Variants in ULK4 observed in about 807,000 individuals in gnomAD.
ULK4 encodes unc-51 like kinase 4, also known as inactive serine/threonine-protein kinase ULK4.
ULK4 carries 133 observed loss-of-function variants against 160.6 expected under a neutral mutation model. That is an observed-to-expected ratio of 0.83 (90% CI 0.72 to 0.96). The LOEUF (loss-of-function observed/expected upper bound fraction) is 0.96. ULK4 is among the 40% of genes least tolerant of loss of function. The pLI, the probability that ULK4 is intolerant of heterozygous loss-of-function variation, is 0.00. For missense variants in ULK4, 1,580 were observed against 1,499.5 expected (o/e 1.05, Z -0.89); for synonymous variants, 534 against 539.8 (o/e 0.99, Z 0.15).
rs760918831 is a variant in ULK4, at chr3:41,835,867, G to C, written c.1761C>G (p.Thr587=). 13 of 1,600,524 alleles carry C rather than the reference G, an allele frequency of 8.1e-6. No homozygotes were observed. The highest frequency in any genetic ancestry group is 1.0e-5 in the Non-Finnish European group (12 of 1,170,304). ...AGAGTTAATCAGACAGTCTCACCTG[G>C]GTGGCTACAAGATAGATCAGCTCCC... ...TLGELIYLVA[T]QEEKKKNPRE... The change falls in exon 18 of 37, where the codon ACC becomes ACG. Residue 587 remains threonine (T), a synonymous_variant. Transcript: ENST00000301831.
intron 19 of ULK4, among the ~76,000 whole-genome samples, chr3:41,808,812 C>T (rs1223796410): frequency 6.6e-6 from 1 of 152,178 alleles, no homozygotes; most frequent in Non-Finnish European, 1.5e-5. Context: ...TCAGGGCAAA[C>T]ACCAGTTTAA....
At chr3:41,727,002 T>G (rs962607215) in intron 22 of ULK4, among the ~76,000 whole-genome samples, 4 of 152,102 alleles carry the variant, frequency 2.6e-5, no homozygotes, top group Non-Finnish European at 5.9e-5. Context: ...CCCAAACTAC[T>G]GTCACTCAAA....
At chr3:41,722,718 A>G (rs1439976496) in intron 22 of ULK4, among the ~76,000 whole-genome samples, 2 of 152,246 alleles carry the variant, frequency 1.3e-5, no homozygotes, top group African/African-American at 4.8e-5. Flanking sequence ...TGCCATTAAA[A>G]TTGTTCTACT....
rs1453110952 is a variant in ULK4 at position 41,931,945 on chromosome 3, C to T, written c.440G>A (p.Gly147Asp). The change falls in exon 5 of 37, where the codon GGT becomes GAT. Residue 147 changes from glycine (G) to aspartate (D), a missense_variant. Coordinates refer to ENST00000301831, the MANE Select transcript of ULK4 (RefSeq NM_017886.4). ...AGCAAAGAACTCTTCCAAATTTTCA[C>T]CTTCCACTTTTGCCAAGCAAAAGTT... ...FSNFCLAKVE[G>D]ENLEEFFALV... 3.1e-6 allele frequency: 5 copies of T among 1,614,002 alleles called. No individual in the cohort carries two copies. Among genetic ancestry groups the T allele is most frequent in the Non-Finnish European group, 4.2e-6 (5 of 1,180,020 alleles).
At chr3:41,543,087 T>C (rs1220856561) in intron 32 of ULK4, among the ~76,000 whole-genome samples, 1 of 152,102 alleles carries the variant, frequency 6.6e-6, no homozygotes, top group African/African-American at 2.4e-5. Flanking sequence ...AGTAATATTT[T>C]TCCCCTAGAA....
intron 35 of ULK4, among the ~76,000 whole-genome samples, chr3:41,333,099 A>T (rs544662412): frequency 2.6e-4 from 39 of 152,366 alleles, no homozygotes; most frequent in Non-Finnish European, 3.8e-4. Context: ...ATCTTTCTTG[A>T]AGGTTCCATC....
intron 17 of ULK4, among the ~76,000 whole-genome samples, chr3:41,873,821 T>C (rs1203828234): frequency 6.6e-6 from 1 of 152,012 alleles, no homozygotes; most frequent in Non-Finnish European, 1.5e-5. Flanking sequence ...CCAAAAGTGC[T>C]GGGATTACAG....
chr3:41,624,128 A>T (rs1378260612), intron 30 of ULK4, among the ~76,000 whole-genome samples: 1 of 152,210 alleles, frequency 6.6e-6, no homozygotes, highest in East Asian at 1.9e-4. Context: ...GAGGCTCCTT[A>T]CATCATGCCT....
chr3:41,929,830 A>G (rs752434489), intron 5 of ULK4, among the ~76,000 whole-genome samples: 2 of 152,210 alleles, frequency 1.3e-5, no homozygotes, highest in Non-Finnish European at 2.9e-5. Context: ...GCTCAAAGAA[A>G]TAAGAGAGGA....
intron 9 of ULK4, 79 bp from the exon 10 acceptor site, chr3:41,911,738 A>C (rs774345167): frequency 2.8e-6 from 3 of 1,086,112 alleles, no homozygotes; most frequent in Non-Finnish European, 2.7e-6. Flanking sequence ...AAGAGGTTGG[A>C]GAAGATAATT....
At chr3:41,328,408 G>A (rs184443931) in intron 35 of ULK4, among the ~76,000 whole-genome samples, 27 of 152,198 alleles carry the variant, frequency 1.8e-4, no homozygotes, top group Admixed American at 1.2e-3. Flanking sequence ...TGCAAAAAAC[G>A]AGACAGTAGA....
At chr3:41,282,054 G>T (rs550003366) in intron 35 of ULK4, among the ~76,000 whole-genome samples, 3 of 152,182 alleles carry the variant, frequency 2.0e-5, no homozygotes, top group Non-Finnish European at 4.4e-5. Flanking sequence ...ATTCACAATT[G>T]CTTCAAAGAG....
chr3:41,710,456 AG>A (rs1276451025), intron 25 of ULK4, among the ~76,000 whole-genome samples: 1 of 152,132 alleles, frequency 6.6e-6, no homozygotes, highest in African/African-American at 2.4e-5. Flanking sequence ...AGCCACTCAA[AG>A]CAGGGCTAGG....
intron 30 of ULK4, among the ~76,000 whole-genome samples, chr3:41,624,371 C>T (rs973186787): frequency 6.6e-6 from 1 of 152,186 alleles, no homozygotes; most frequent in East Asian, 1.9e-4. Context: ...GGTACCTGGA[C>T]GATCCAGAGC....
At chr3:41,447,702 T>C (rs1164272366) in intron 34 of ULK4, among the ~76,000 whole-genome samples, 2 of 152,200 alleles carry the variant, frequency 1.3e-5, no homozygotes, top group South Asian at 2.1e-4. Flanking sequence ...TCGGTTTTTA[T>C]GTATTGCGGT....
chr3:41,616,694 C>G (rs957250829), intron 30 of ULK4, among the ~76,000 whole-genome samples: 6 of 152,174 alleles, frequency 3.9e-5, no homozygotes, highest in African/African-American at 1.4e-4. Context: ...AAGCACAAAA[C>G]TGGGAGGCTG....
rs1472728579 is a variant in ULK4, at chr3:41,659,558, CA to C, written c.3071+4048del. Reference sequence around the variant, plus strand: ...CTCATTTCAACTGCCACAATGGCAACATTGCAAAGTTTAATGAGTTTTGATG... The same window carrying C: ...CTCATTTCAACTGCCACAATGGCAACTTGCAAAGTTTAATGAGTTTTGATG... On this transcript the variant is annotated intron_variant, in intron 30 of 36. Coordinates refer to ENST00000301831, the MANE Select transcript of ULK4 (RefSeq NM_017886.4). Among the ~76,000 whole-genome samples the C allele has an allele frequency of 2.6e-5, 4 of 151,956 alleles. No homozygotes were observed. The East Asian group carries it at 5.8e-4, about 22-fold the overall frequency.
At chr3:41,708,188 A>G (rs2036971897) in intron 25 of ULK4, among the ~76,000 whole-genome samples, 1 of 151,948 alleles carries the variant, frequency 6.6e-6, no homozygotes, top group Non-Finnish European at 1.5e-5. Context: ...ATATATATAT[A>G]TATTTCCAAA....
chr3:41,524,662 G>A (rs549045840), intron 32 of ULK4, among the ~76,000 whole-genome samples: 4 of 152,080 alleles, frequency 2.6e-5, no homozygotes, highest in Non-Finnish European at 4.4e-5. Flanking sequence ...AGGGGCAGCC[G>A]GGTGGAGTGG....
Sources: allele counts gnomAD v4.1 joint callset (sites outside exome capture counted in the v4.1 genomes callset), GRCh38; gene constraint gnomAD v4.1.1; transcripts MANE v1.5; gene names NCBI Gene and HGNC (gene_info 2026-07-23, HGNC 2026-07-21).